The following RBFOX3 variants were observed in gnomAD, a reference collection of about 807,000 sequenced individuals.
RBFOX3 encodes the protein RNA binding protein fox-1 homolog 3.
Under a neutral mutation model 48.7 loss-of-function variants are expected in RBFOX3, and 17 were observed. The ratio of observed to expected loss-of-function variants is 0.35; its 90% CI spans 0.24 to 0.52. The LOEUF (loss-of-function observed/expected upper bound fraction) is 0.52. RBFOX3 is among the 20% of genes least tolerant of loss of function. The pLI, the probability that RBFOX3 is intolerant of heterozygous loss-of-function variation, is 0.94. For missense variants in RBFOX3, 382 were observed against 497.5 expected (o/e 0.77, Z 2.21); for synonymous variants, 212 against 209.5 (o/e 1.01, Z -0.10).
At chr17:79,172,548 C>A (rs948839883) in intron 4 of RBFOX3, among the ~76,000 whole-genome samples, 1 of 152,172 alleles carries the variant, frequency 6.6e-6, no homozygotes, top group African/African-American at 2.4e-5. Context: ...ATGGCGATTC[C>A]AAGGGAGGCG....
intron 1 of RBFOX3, among the ~76,000 whole-genome samples, chr17:79,591,249 C>A (rs955980689): frequency 5.9e-5 from 9 of 152,130 alleles, no homozygotes; most frequent in Non-Finnish European, 1.2e-4. Context: ...GCACAGGTGT[C>A]GCTGGGGGCC....
At position 79,349,768 on chromosome 17, in the gene RBFOX3, A is replaced by G. The variant is rs535049331; in HGVS notation, c.-174-41944T>C. On this transcript the variant is annotated intron_variant, in intron 2 of 14. Coordinates refer to ENST00000693108, the MANE Select transcript of RBFOX3 (RefSeq NM_001350451.2). ...GTCATGTAGCTTGGTGCACCGAGAG[A>G]TGCCATCAGTGGTGGATCCCCAGCA... 1.3e-3 allele frequency among the ~76,000 whole-genome samples: 203 copies of G among 151,884 alleles called. 1 individual carries two copies. Among genetic ancestry groups the G allele is most frequent in the African/African-American group, 4.7e-3 (194 of 41,402 alleles).
chr17:79,319,416 G>A (rs2078069460), intron 2 of RBFOX3, among the ~76,000 whole-genome samples: 1 of 152,242 alleles, frequency 6.6e-6, no homozygotes, highest in Non-Finnish European at 1.5e-5. Flanking sequence ...CACTTGGGCT[G>A]CCGGAGTGGT....
intron 3 of RBFOX3, among the ~76,000 whole-genome samples, chr17:79,259,973 A>G (rs557729192): frequency 6.6e-6 from 1 of 152,034 alleles, no homozygotes; most frequent in Admixed American, 6.5e-5. Flanking sequence ...GGGCAGCCAG[A>G]TGCTGAGCCC....
intron 1 of RBFOX3, among the ~76,000 whole-genome samples, chr17:79,502,874 C>T (rs1228430546): frequency 6.6e-6 from 1 of 152,238 alleles, no homozygotes; most frequent in Non-Finnish European, 1.5e-5. Flanking sequence ...CGCCACCACC[C>T]TGGCCAACCT....
Position 79,391,749 on chromosome 17 carries a change from TG to T in RBFOX3, c.-174-83926del, listed in dbSNP as rs1298115118. The stretch of plus-strand genomic sequence containing the variant: ...GTCTGTGTGCACGTGTGAGTTAGGG[TG>T]GGGGGTATGTGGAGACACCAGGACC... On this transcript the variant is annotated intron_variant, in intron 2 of 14. Coordinates refer to ENST00000693108, the MANE Select transcript of RBFOX3 (RefSeq NM_001350451.2). The surrounding 1 kb of genome is among the most constrained non-coding windows in gnomAD (Gnocchi z 5.0). Among the ~76,000 whole-genome samples the T allele has an allele frequency of 6.6e-6, 1 of 151,698 alleles. No homozygotes were observed. The highest frequency in any genetic ancestry group is 1.9e-4 in the East Asian group (1 of 5,138).
rs1002942534 is a variant in RBFOX3 at position 79,607,855 on chromosome 17, C to G, written c.-320+2971G>C. Reference sequence around the variant, plus strand: ...GTTCATCCCTAGACACCAAAGAGCCCGATAATCTCTCCATTTCACCGATGC... The same window carrying G: ...GTTCATCCCTAGACACCAAAGAGCCGGATAATCTCTCCATTTCACCGATGC... On this transcript the variant is annotated intron_variant, in intron 1 of 14. Transcript: ENST00000693108. 0.016 allele frequency among the ~76,000 whole-genome samples: 2,462 copies of G among 152,288 alleles called. 112 individuals are homozygous for G. In the East Asian group the frequency reaches 0.21, roughly 13 times the overall value.
At chr17:79,219,575 T>TAC (rs1234811782) in intron 4 of RBFOX3, among the ~76,000 whole-genome samples, 1 of 152,048 alleles carries the variant, frequency 6.6e-6, no homozygotes, top group Non-Finnish European at 1.5e-5. Context: ...CCCAGACCCC[T>TAC]ACCCTGATTT....
chr17:79,507,811 C>T (rs1442707283), intron 1 of RBFOX3, among the ~76,000 whole-genome samples: 6 of 152,166 alleles, frequency 3.9e-5, no homozygotes, highest in African/African-American at 1.4e-4. Context: ...AACCAAGGCA[C>T]GCACCAATGA....
intron 2 of RBFOX3, among the ~76,000 whole-genome samples, chr17:79,398,088 G>A (rs2062268143): frequency 2.0e-5 from 3 of 152,124 alleles, no homozygotes; most frequent in Admixed American, 2.0e-4. Flanking sequence ...CCTTGTCGGG[G>A]CCCCAGAGTC....
chr17:79,619,580 A>G, the RBFOX3 span, among the ~76,000 whole-genome samples: 2 of 152,186 alleles, frequency 1.3e-5, no homozygotes, highest in Non-Finnish European at 2.9e-5. Flanking sequence ...TTATCTAACT[A>G]TACCTGCAAA....
intron 2 of RBFOX3, among the ~76,000 whole-genome samples, chr17:79,328,773 T>C (rs1231303362): frequency 6.6e-6 from 1 of 152,200 alleles, no homozygotes; most frequent in Non-Finnish European, 1.5e-5. Flanking sequence ...CAGCATCCAC[T>C]TGATGAATGG....
intron 1 of RBFOX3, among the ~76,000 whole-genome samples, chr17:79,564,178 C>T (rs1011105192): frequency 3.3e-5 from 5 of 152,228 alleles, no homozygotes; most frequent in Non-Finnish European, 7.3e-5. Context: ...CTGCTCTCCC[C>T]GAAGCCCAAA....
At chr17:79,283,265 CTTTTTTTT>C (rs11307023) in intron 3 of RBFOX3, among the ~76,000 whole-genome samples, 9 of 114,596 alleles carry the variant, frequency 7.9e-5, no homozygotes, top group Admixed American at 2.0e-4. Flanking sequence ...TGTTCCTTTT[CTTTTTTTT>C]TTTTTTTTTT....
At chr17:79,232,089 A>G (rs983527929) in intron 4 of RBFOX3, among the ~76,000 whole-genome samples, 1 of 152,202 alleles carries the variant, frequency 6.6e-6, no homozygotes, top group Non-Finnish European at 1.5e-5. Flanking sequence ...CTCACCCATT[A>G]TCACGAGAAC....
chr17:79,478,827 A>G (rs1397375322), intron 2 of RBFOX3, among the ~76,000 whole-genome samples: 1 of 152,220 alleles, frequency 6.6e-6, no homozygotes, highest in Non-Finnish European at 1.5e-5. Context: ...TTTAATAAGG[A>G]CTTAGAATTT....
At chr17:79,544,381 T>G (rs986711218) in intron 1 of RBFOX3, among the ~76,000 whole-genome samples, 27 of 151,990 alleles carry the variant, frequency 1.8e-4, no homozygotes, top group African/African-American at 6.5e-4. Context: ...CTGGTGTTGG[T>G]GGAAGGAGGC....
At chr17:79,590,070 C>T (rs942065229) in intron 1 of RBFOX3, among the ~76,000 whole-genome samples, 1 of 152,104 alleles carries the variant, frequency 6.6e-6, no homozygotes, top group African/African-American at 2.4e-5. Flanking sequence ...GAGACAAATG[C>T]CCCATTTGGG....
chr17:79,337,149 G>A (rs147418857), intron 2 of RBFOX3, among the ~76,000 whole-genome samples: 5 of 152,066 alleles, frequency 3.3e-5, no homozygotes, highest in African/African-American at 1.2e-4. Context: ...CTCTTATTTC[G>A]ATAGTCCTGA....
Sources: gnomAD v4.1 joint callset for allele counts (sites outside exome capture counted in the v4.1 genomes callset) on GRCh38, gnomAD v4.1.1 for gene constraint, Gnocchi (gnomAD v3.1) non-coding constraint, MANE v1.5 for transcripts, NCBI Gene and HGNC (gene_info 2026-07-23, HGNC 2026-07-21) for gene names.